NPAS3: variants seen among roughly 807,000 people sequenced by gnomAD.
NPAS3 encodes the protein neuronal PAS domain-containing protein 3.
Under a neutral mutation model 73.1 loss-of-function variants are expected in NPAS3, and 14 were observed. The observed-to-expected ratio is 0.19, with a 90% CI of 0.13 to 0.30. The LOEUF (loss-of-function observed/expected upper bound fraction) is 0.30, where lower values mean the gene tolerates loss of function less well. NPAS3 is among the 10% of genes least tolerant of loss of function. The pLI is 1.00. For synonymous variants in NPAS3, 620 were observed against 541.5 expected, an observed-to-expected ratio of 1.14 and a Z score of -2.01; for missense variants, 1,096 against 1,250.0, an observed-to-expected ratio of 0.88 and a Z score of 1.86.
chr14:33,565,185 T>G (rs2055866852), intron 5 of NPAS3, among the ~76,000 whole-genome samples: 1 of 152,246 alleles, frequency 6.6e-6, no homozygotes, highest in Non-Finnish European at 1.5e-5. Flanking sequence ...TTTGGTATTT[T>G]TTTTAAGCCA....
intron 3 of NPAS3, among the ~76,000 whole-genome samples, chr14:33,309,001 A>C (rs915067079): frequency 1.3e-5 from 2 of 152,164 alleles, no homozygotes; most frequent in Non-Finnish European, 1.5e-5. Context: ...TAAAAGGAAA[A>C]AACAAACTTA....
chr14:33,221,501 C>A (rs1196398572), intron 3 of NPAS3, among the ~76,000 whole-genome samples: 1 of 152,106 alleles, frequency 6.6e-6, no homozygotes, highest in Non-Finnish European at 1.5e-5. Flanking sequence ...GTGGCTCGTG[C>A]CTATAATCCC....
chr14:33,724,628 A>G (rs148170780), intron 6 of NPAS3, among the ~76,000 whole-genome samples: 36 of 152,248 alleles, frequency 2.4e-4, no homozygotes, highest in African/African-American at 7.5e-4. Context: ...GTGAGACACC[A>G]ATCTCAAAAA....
intron 4 of NPAS3, among the ~76,000 whole-genome samples, chr14:33,515,162 G>A (rs1250951648): frequency 1.3e-5 from 2 of 152,010 alleles, no homozygotes; most frequent in Admixed American, 1.3e-4. Flanking sequence ...CAAACACATA[G>A]CATGGCTACT....
intron 3 of NPAS3, among the ~76,000 whole-genome samples, chr14:33,306,470 C>T (rs375711551): frequency 4.6e-5 from 7 of 152,168 alleles, no homozygotes; most frequent in Non-Finnish European, 2.9e-5. Flanking sequence ...TCTGCAGATT[C>T]GGGCTTTATC....
chr14:33,024,332 C>T lies in NPAS3; in HGVS notation c.51-31573C>T, dbSNP rs142458762. On this transcript the variant is annotated intron_variant, in intron 1 of 11. Coordinates refer to ENST00000356141, the Ensembl canonical transcript of NPAS3. Reference sequence around the variant, plus strand: ...GATTACAGGCGCCCACCACCACACCCGGCTAATTTTTGTATTTTTAGTAGA... The same window carrying T: ...GATTACAGGCGCCCACCACCACACCTGGCTAATTTTTGTATTTTTAGTAGA... 6.5e-4 allele frequency among the ~76,000 whole-genome samples: 98 copies of T among 151,914 alleles called. 1 individual carries two copies. Among genetic ancestry groups the T allele is most frequent in the Middle Eastern group, 3.4e-3 (1 of 294 alleles).
chr14:33,660,141 G>C (rs757794165), intron 5 of NPAS3, among the ~76,000 whole-genome samples: 9 of 152,082 alleles, frequency 5.9e-5, no homozygotes, highest in Non-Finnish European at 1.2e-4. Context: ...GAATACCTGG[G>C]TGCTAATAAA....
intron 4 of NPAS3, among the ~76,000 whole-genome samples, chr14:33,429,862 A>G (rs2048709318): frequency 6.6e-6 from 1 of 152,164 alleles, no homozygotes; most frequent in Non-Finnish European, 1.5e-5. Flanking sequence ...CCATGTTTCT[A>G]TGTAGAAAAT....
At chr14:33,240,703 G>T (rs1360503768) in intron 3 of NPAS3, among the ~76,000 whole-genome samples, 1 of 151,682 alleles carries the variant, frequency 6.6e-6, no homozygotes, top group East Asian at 1.9e-4. Flanking sequence ...CCATTATTTT[G>T]AACTGTTTTA....
intron 4 of NPAS3, among the ~76,000 whole-genome samples, chr14:33,422,839 C>T (rs763639675): frequency 4.0e-5 from 6 of 151,894 alleles, no homozygotes; most frequent in Non-Finnish European, 8.8e-5. Flanking sequence ...CACATATTAG[C>T]TTAGAGACAT....
chr14:33,396,979 T>TATAA (rs2047251386), intron 4 of NPAS3, among the ~76,000 whole-genome samples: 1 of 152,158 alleles, frequency 6.6e-6, no homozygotes, highest in African/African-American at 2.4e-5. Context: ...CTGTGTCATA[T>TATAA]GATATAGACA....
At chr14:33,396,921 A>G (rs1400084144) in intron 4 of NPAS3, among the ~76,000 whole-genome samples, 1 of 152,176 alleles carries the variant, frequency 6.6e-6, no homozygotes, top group African/African-American at 2.4e-5. Context: ...AACATATTCT[A>G]TGATCACTTA....
intron 2 of NPAS3, among the ~76,000 whole-genome samples, chr14:33,198,906 G>C (rs941883167): frequency 6.6e-6 from 1 of 152,216 alleles, no homozygotes; most frequent in Non-Finnish European, 1.5e-5. Context: ...GGCCAGGCAA[G>C]AATTTGAGCG....
intron 2 of NPAS3, among the ~76,000 whole-genome samples, chr14:33,068,667 T>A (rs2041365589): frequency 6.6e-6 from 1 of 152,176 alleles, no homozygotes; most frequent in South Asian, 2.1e-4. Context: ...AAGAAGGATT[T>A]AGGAGTCCTG....
At chr14:33,502,064 T>C (rs1175582227) in intron 4 of NPAS3, among the ~76,000 whole-genome samples, 1 of 151,842 alleles carries the variant, frequency 6.6e-6, no homozygotes, top group Non-Finnish European at 1.5e-5. Context: ...GAAAATAAAA[T>C]ATTATTTATG....
rs556105692 is a variant in NPAS3 at position 33,772,099 on chromosome 14, T to G, written c.853-2238T>G. ...AAAATAGTCAGTCACTAATTAGGCT[T>G]TTGAAAAACACCAAATTAATACTTG... On this transcript the variant is annotated intron_variant, in intron 7 of 11. Transcript: ENST00000356141. 7.9e-5 allele frequency among the ~76,000 whole-genome samples: 12 copies of G among 152,332 alleles called. No individual in the cohort carries two copies. The East Asian group carries it at 2.1e-3, about 27-fold the overall frequency.
At chr14:33,367,245 C>G in exon 4 of NPAS3, 1 of 866,868 alleles carries the variant, frequency 1.2e-6, no homozygotes, top group South Asian at 1.3e-5. Flanking sequence ...ATTTGAAGCA[C>G]ATTTGGGAAG....
At chr14:33,134,004 G>A (rs184872244) in intron 2 of NPAS3, among the ~76,000 whole-genome samples, 319 of 152,286 alleles carry the variant, frequency 2.1e-3, no homozygotes, top group Non-Finnish European at 3.4e-3. Flanking sequence ...TGAGGGGCTA[G>A]CACATGGTAA....
chr14:33,331,900 T>C (rs2044002236), intron 3 of NPAS3, among the ~76,000 whole-genome samples: 1 of 152,186 alleles, frequency 6.6e-6, no homozygotes, highest in Non-Finnish European at 1.5e-5. Flanking sequence ...TGGAAGTGTG[T>C]TTATATCGGA....
Sources: allele counts gnomAD v4.1 joint callset (sites outside exome capture counted in the v4.1 genomes callset), GRCh38; gene constraint gnomAD v4.1.1; transcripts MANE v1.5; gene names NCBI Gene and HGNC (gene_info 2026-07-23, HGNC 2026-07-21).